PCDHA8: variants seen among roughly 807,000 people sequenced by gnomAD.
PCDHA8 encodes protocadherin alpha 8.
In PCDHA8, 53 loss-of-function variants were observed where a neutral mutation model predicts 61.8. That is an observed-to-expected ratio of 0.86 (90% CI 0.69 to 1.08). The LOEUF is 1.08. Among genes scored for constraint, PCDHA8 ranks in the 50% least tolerant of loss-of-function variants. The pLI, the probability that PCDHA8 is intolerant of heterozygous loss-of-function variation, is 0.00. For missense variants in PCDHA8, 1,293 were observed against 1,245.0 expected (o/e 1.04, Z -0.58); for synonymous variants, 618 against 556.6 (o/e 1.11, Z -1.55).
At chr5:140,954,919 C>A (rs246021) in intron 1 of PCDHA8, among the ~76,000 whole-genome samples, 85,722 of 151,952 alleles carry the variant, frequency 0.56, 24,790 homozygotes, top group African/African-American at 0.69. Flanking sequence ...TTATGAATTA[C>A]GTCTTTAATT....
intron 2 of PCDHA8, among the ~76,000 whole-genome samples, chr5:140,980,115 G>A (rs1263722649): frequency 6.6e-6 from 1 of 152,142 alleles, no homozygotes; most frequent in African/African-American, 2.4e-5. Flanking sequence ...ATTGGAACCT[G>A]GGTCATAATT....
intron 1 of PCDHA8, among the ~76,000 whole-genome samples, chr5:140,960,011 A>G (rs578052753): frequency 1.2e-4 from 18 of 152,350 alleles, no homozygotes; most frequent in Admixed American, 1.0e-3. Flanking sequence ...TCTATTTTGC[A>G]TCATGATTTT....
chr5:140,868,990 G>A (rs1554162367), intron 1 of PCDHA8: 39 of 1,511,606 alleles, frequency 2.6e-5, no homozygotes, highest in Non-Finnish European at 2.4e-5. Flanking sequence ...GGATGCCACC[G>A]TTTAAGGATC....
At chr5:140,864,471 G>A (rs924017911) in intron 1 of PCDHA8, 23 of 152,218 alleles carry the variant, frequency 1.5e-4, no homozygotes, top group African/African-American at 5.3e-4. Context: ...TTTTTGAGAT[G>A]TTGATTGCAG....
intron 1 of PCDHA8, among the ~76,000 whole-genome samples, chr5:140,918,211 C>T (rs1554198470): frequency 6.6e-6 from 1 of 152,046 alleles, no homozygotes; most frequent in African/African-American, 2.4e-5. Context: ...TGTTGGTGTA[C>T]AGAAATGCTG....
In PCDHA8 at chr5:140,841,587, G is replaced by C; in HGVS notation, c.266G>C (p.Arg89Pro). The C allele has an allele frequency of 6.2e-7, 1 of 1,614,074 alleles. No homozygotes were observed. Among genetic ancestry groups the C allele is most frequent in the Non-Finnish European group, 8.5e-7 (1 of 1,180,016 alleles). ...LQNGILFVNS[R>P]IDREELCGRS... The stretch of plus-strand genomic sequence containing the variant: ...AATGGCATTTTGTTTGTGAATTCTC[G>C]GATCGACCGCGAGGAGCTGTGCGGG... The change falls in exon 1 of 4, where the codon CGG (arginine) becomes CCG (proline). Residue 89 changes from arginine (R) to proline (P), a missense_variant. By Grantham distance (103) the Arg-to-Pro change is moderately radical. Transcript: ENST00000531613.
chr5:140,869,264 T>C (rs782308224), intron 1 of PCDHA8: 1 of 1,613,438 alleles, frequency 6.2e-7, no homozygotes, highest in South Asian at 1.1e-5. Context: ...GACCTGGGGC[T>C]GGAGCTGGCG....
In PCDHA8 at chr5:140,857,194, A is replaced by G. The variant is rs187713139; in HGVS notation, c.2394+13479A>G. On this transcript the variant is annotated intron_variant, in intron 1 of 3. Transcript: ENST00000531613. ...CTGACCATGATTCAGGAGCCAACGG[A>G]CAGGTCACCTGCTCTCTGACGCCTC... 4 of 1,598,542 alleles carry G rather than the reference A, an allele frequency of 2.5e-6. 1 individual carries two copies. The highest frequency in any genetic ancestry group is 1.3e-5 in the African/African-American group (1 of 74,440).
chr5:140,982,308 A>T, intron 2 of PCDHA8, 167 bp from the exon 3 acceptor site: 1 of 1,269,286 alleles, frequency 7.9e-7, no homozygotes. Context: ...ATGCTTCTGC[A>T]GTTTATGCAG....
In PCDHA8 at chr5:140,848,788, G is replaced by A. The variant is rs2150420579; in HGVS notation, c.2394+5073G>A. 23 of 1,593,058 alleles carry A rather than the reference G, an allele frequency of 1.4e-5. 3 individuals are homozygous for A. Among genetic ancestry groups the A allele is most frequent in the African/African-American group, 1.3e-5 (1 of 74,170 alleles). On this transcript the variant is annotated intron_variant, in intron 1 of 3. Coordinates refer to ENST00000531613, the MANE Select transcript of PCDHA8 (RefSeq NM_018911.3). ...ATCGACCGCGAGGAGCTGTGCGGGCGGAGCGCGGAGTGCAGCATCCACCTG... is the reference window on the plus strand; with the variant it reads ...ATCGACCGCGAGGAGCTGTGCGGGCAGAGCGCGGAGTGCAGCATCCACCTG...
In PCDHA8 at chr5:140,877,128, G is replaced by T. The variant is rs782052511; in HGVS notation, c.2394+33413G>T. On this transcript the variant is annotated intron_variant, in intron 1 of 3. Coordinates refer to ENST00000531613, the MANE Select transcript of PCDHA8 (RefSeq NM_018911.3). ...CTCTGGGCAGCAACGTGACGCTGCA[G>T]GTGTTCGTGCTGGACGAGAACGACA... is the stretch of plus-strand genomic sequence containing the variant. 3.1e-6 allele frequency: 5 copies of T among 1,613,644 alleles called. No homozygotes were observed. The African/African-American group carries it at 5.3e-5, about 17-fold the overall frequency.
At chr5:140,849,694 C>A (rs2041050724) in intron 1 of PCDHA8, 1 of 1,598,594 alleles carries the variant, frequency 6.3e-7, no homozygotes, top group African/African-American at 1.3e-5. Flanking sequence ...CTGGTGTCCA[C>A]CTACAAGAAT....
intron 1 of PCDHA8, chr5:140,868,837 C>A (rs543405019): frequency 2.7e-4 from 116 of 427,288 alleles, no homozygotes; most frequent in Non-Finnish European, 3.6e-4. Context: ...AAACCCAAAA[C>A]ACGTGAAATT....
At position 140,857,621 on chromosome 5, in the gene PCDHA8, G is replaced by A. The variant is rs962164938; in HGVS notation, c.2394+13906G>A. ...GTACGCGCTGCAGCCGCTGGACCAC[G>A]AGGAGCTGGAGCTGCTACAGTTCCA... On this transcript the variant is annotated intron_variant, in intron 1 of 3. Transcript: ENST00000531613. The A allele has an allele frequency of 4.4e-6, 7 of 1,596,528 alleles. 1 individual carries two copies. In the African/African-American group the frequency reaches 8.1e-5, roughly 18 times the overall value.
At chr5:140,955,907 C>A (rs1356508512) in intron 1 of PCDHA8, among the ~76,000 whole-genome samples, 3 of 152,126 alleles carry the variant, frequency 2.0e-5, no homozygotes, top group East Asian at 3.8e-4. Flanking sequence ...CTCTTTGTAG[C>A]AATTGTGAAT....
intron 3 of PCDHA8, among the ~76,000 whole-genome samples, chr5:141,006,294 C>T (rs2098266534): frequency 6.6e-6 from 1 of 152,048 alleles, no homozygotes; most frequent in African/African-American, 2.4e-5. Flanking sequence ...TCACTGCAAG[C>T]TCCACTTCCC....
chr5:140,974,322 G>A (rs11743888), intron 1 of PCDHA8, among the ~76,000 whole-genome samples: 7,497 of 152,260 alleles, frequency 0.049, 207 homozygotes, highest in Middle Eastern at 0.068. Flanking sequence ...GAGAGTAGCT[G>A]CTGTGCTAGC....
chr5:140,852,939 T>C (rs995213458), intron 1 of PCDHA8: 2 of 590,456 alleles, frequency 3.4e-6, no homozygotes, highest in Non-Finnish European at 4.4e-6. Context: ...AGTGCAGTGG[T>C]GCCATCTTGG....
chr5:140,940,437 C>T (rs1212783028), intron 1 of PCDHA8, among the ~76,000 whole-genome samples: 1 of 151,730 alleles, frequency 6.6e-6, no homozygotes, highest in Non-Finnish European at 1.5e-5. Context: ...TCAAGTCTGC[C>T]ATGATATTTT....
Sources: gnomAD v4.1 joint callset for allele counts (sites outside exome capture counted in the v4.1 genomes callset) on GRCh38, gnomAD v4.1.1 for gene constraint, MANE v1.5 for transcripts, NCBI Gene and HGNC (gene_info 2026-07-23, HGNC 2026-07-21) for gene names.